Variants in CFDP1 observed in about 807,000 individuals in gnomAD.
CFDP1 encodes chromatin remodeling protein CFDP1, also known as heterochromatin-stabilizing protein CFDP1.
Under a neutral mutation model 40.1 loss-of-function variants are expected in CFDP1, and 31 were observed. The observed-to-expected ratio is 0.77, with a 90% confidence interval of 0.58 to 1.04. CFDP1 has a LOEUF of 1.04. CFDP1 is among the 50% of genes least tolerant of loss of function. The probability of loss-of-function intolerance (pLI) is 0.00; values close to 1 mark genes in which losing one functional copy is unlikely to be tolerated. For synonymous variants in CFDP1, 167 were observed against 120.0 expected (o/e 1.39, Z -2.56); for missense variants, 423 against 343.4 (o/e 1.23, Z -1.83).
intron 5 of CFDP1, among the ~76,000 whole-genome samples, chr16:75,356,941 T>C (rs945953665): frequency 3.7e-5 from 5 of 134,448 alleles, no homozygotes; most frequent in Admixed American, 8.2e-5. Context: ...TGAGACAGAG[T>C]CTTGATCTGT....
chr16:75,373,708 G>T (rs1272580999), intron 5 of CFDP1, among the ~76,000 whole-genome samples: 1 of 152,024 alleles, frequency 6.6e-6, no homozygotes, highest in Non-Finnish European at 1.5e-5. Flanking sequence ...GCCCTGGCTG[G>T]TCTGAAACTC....
At chr16:75,327,274 A>G (rs2078409264) in intron 5 of CFDP1, among the ~76,000 whole-genome samples, 1 of 152,166 alleles carries the variant, frequency 6.6e-6, no homozygotes, top group South Asian at 2.1e-4. Flanking sequence ...CTCAAAAAAC[A>G]AAACGAAACA....
intron 5 of CFDP1, among the ~76,000 whole-genome samples, chr16:75,309,247 A>G (rs1276269903): frequency 6.6e-6 from 1 of 152,178 alleles, no homozygotes; most frequent in Middle Eastern, 3.2e-3. Context: ...CACAGCTTTC[A>G]GAAAGGCAGA....
intron 5 of CFDP1, among the ~76,000 whole-genome samples, chr16:75,323,153 A>C (rs979766646): frequency 1.3e-5 from 2 of 151,848 alleles, no homozygotes; most frequent in Non-Finnish European, 2.9e-5. Flanking sequence ...CTGTAGAAAA[A>C]CTTTCTTTAT....
chr16:75,360,864 A>C (rs1597354101), intron 5 of CFDP1, among the ~76,000 whole-genome samples: 1 of 152,242 alleles, frequency 6.6e-6, no homozygotes, highest in East Asian at 1.9e-4. Flanking sequence ...TACAGGTAAG[A>C]TGTTAAAAAG....
chr16:75,388,467 G>A (rs1283284762), intron 5 of CFDP1, among the ~76,000 whole-genome samples: 2 of 152,140 alleles, frequency 1.3e-5, no homozygotes, highest in Admixed American at 6.5e-5. Flanking sequence ...TTGCCTACAG[G>A]AACCATGCAG....
At chr16:75,411,985 CA>C (rs770775938) in intron 3 of CFDP1, 33 bp from the exon 4 acceptor site, 57 of 1,570,344 alleles carry the variant, frequency 3.6e-5, no homozygotes, top group Admixed American at 8.2e-5. Context: ...AATGTTTCAC[CA>C]AAAGATGAAC....
chr16:75,320,915 T>G (rs181311168), intron 5 of CFDP1, among the ~76,000 whole-genome samples: 1 of 152,294 alleles, frequency 6.6e-6, no homozygotes, highest in East Asian at 1.9e-4. Flanking sequence ...AGCTACTAAA[T>G]GTACTTGTAC....
chr16:75,347,031 C>A (rs1397140877), intron 5 of CFDP1, among the ~76,000 whole-genome samples: 1 of 151,944 alleles, frequency 6.6e-6, no homozygotes, highest in African/African-American at 2.4e-5. Flanking sequence ...GAAAATGCAT[C>A]CCAAGTGACC....
intron 5 of CFDP1, among the ~76,000 whole-genome samples, chr16:75,313,399 G>A (rs994724812): frequency 4.6e-5 from 7 of 152,114 alleles, no homozygotes; most frequent in Non-Finnish European, 8.8e-5. Context: ...GCGTGGTCTC[G>A]GCTCACTACA....
At chr16:75,418,732 T>TA (rs35716697) in intron 1 of CFDP1, among the ~76,000 whole-genome samples, 11,265 of 130,456 alleles carry the variant, frequency 0.086, 635 homozygotes, top group East Asian at 0.31. Flanking sequence ...AAAGGCTCCC[T>TA]AAAAAAAAAA....
chr16:75,399,996 G>A (rs1361628091), intron 4 of CFDP1, among the ~76,000 whole-genome samples: 2 of 151,298 alleles, frequency 1.3e-5, no homozygotes, highest in Non-Finnish European at 2.9e-5. Context: ...AGCTGCTTGG[G>A]AGGCTGAGGC....
intron 5 of CFDP1, among the ~76,000 whole-genome samples, chr16:75,343,433 C>T (rs1317216306): frequency 1.3e-5 from 2 of 151,822 alleles, no homozygotes; most frequent in African/African-American, 2.4e-5. Flanking sequence ...CCATTTTTTT[C>T]CAGCAAAAAA....
At chr16:75,327,434 G>A (rs918767358) in intron 5 of CFDP1, among the ~76,000 whole-genome samples, 6 of 151,692 alleles carry the variant, frequency 4.0e-5, no homozygotes, top group African/African-American at 1.5e-4. Context: ...AGGCCCCAGA[G>A]GGATGTTACG....
chr16:75,385,860 G>C (rs1019329686), intron 5 of CFDP1, among the ~76,000 whole-genome samples: 2 of 152,054 alleles, frequency 1.3e-5, no homozygotes, highest in Admixed American at 6.6e-5. Context: ...TCGTTTCCTT[G>C]CTCCCAAATC....
chr16:75,384,929 CTTTTG>C (rs1278731722), intron 5 of CFDP1, among the ~76,000 whole-genome samples: 4 of 132,804 alleles, frequency 3.0e-5, no homozygotes, highest in African/African-American at 8.5e-5. Context: ...GGTAAGTCCA[CTTTTG>C]TTTTAAGTAT....
intron 5 of CFDP1, among the ~76,000 whole-genome samples, chr16:75,349,678 A>ATATATATATATAT (rs1567653462): frequency 1.9e-3 from 11 of 5,902 alleles, no homozygotes; most frequent in Admixed American, 4.2e-3. Context: ...AAAAAAAAAA[A>ATATATATATATAT]AAAAAAAAAA....
intron 5 of CFDP1, among the ~76,000 whole-genome samples, chr16:75,366,231 A>G (rs1044835380): frequency 6.6e-6 from 1 of 152,242 alleles, no homozygotes. Flanking sequence ...TATATACTAC[A>G]CAAGAAAACA....
chr16:75,428,134 T>G (rs1472137176), intron 1 of CFDP1, among the ~76,000 whole-genome samples: 2 of 150,386 alleles, frequency 1.3e-5, no homozygotes, highest in Admixed American at 6.7e-5. Context: ...GAAATTTGTT[T>G]TTTTTTTTTT....
Sources: allele counts gnomAD v4.1 joint callset (sites outside exome capture counted in the v4.1 genomes callset), GRCh38; gene constraint gnomAD v4.1.1; transcripts MANE v1.5; gene names NCBI Gene and HGNC (gene_info 2026-07-23, HGNC 2026-07-21).